Variants in IDO2 observed in about 807,000 individuals in gnomAD.
IDO2 encodes the protein indoleamine 2,3-dioxygenase-like 1 protein.
IDO2 carries 46 observed loss-of-function variants against 45.1 expected under a neutral mutation model. That is an observed-to-expected ratio of 1.02 (90% CI 0.80 to 1.30). The LOEUF (loss-of-function observed/expected upper bound fraction) is 1.30. Among genes scored for constraint, IDO2 ranks in the 50% most tolerant of loss-of-function variants. IDO2 has a pLI of 0.00. For synonymous variants in IDO2, 218 were observed against 184.9 expected, an observed-to-expected ratio of 1.18 and a Z score of -1.45; for missense variants, 544 against 491.8, an observed-to-expected ratio of 1.11 and a Z score of -1.00.
intron 3 of IDO2, among the ~76,000 whole-genome samples, chr8:39,967,983 G>A (rs1052149289): frequency 6.6e-6 from 1 of 151,354 alleles, no homozygotes; most frequent in African/African-American, 2.4e-5. Flanking sequence ...CTCAGCAATG[G>A]CATTCCTAAG....
At chr8:39,955,590 G>A (rs1232178366) in intron 2 of IDO2, among the ~76,000 whole-genome samples, 1 of 151,826 alleles carries the variant, frequency 6.6e-6, no homozygotes, top group Non-Finnish European at 1.5e-5. Flanking sequence ...TGGGGGGAGG[G>A]GACAGAGAAA....
chr8:40,013,985 T>C (rs1397799498), intron 10 of IDO2, among the ~76,000 whole-genome samples: 1 of 152,174 alleles, frequency 6.6e-6, no homozygotes, highest in East Asian at 1.9e-4. Flanking sequence ...GTTTGGATCT[T>C]TAGACACTAG....
intron 8 of IDO2, among the ~76,000 whole-genome samples, chr8:40,000,248 C>G (rs1802114164): frequency 6.6e-6 from 1 of 151,968 alleles, no homozygotes; most frequent in Non-Finnish European, 1.5e-5. Flanking sequence ...CATGTCTCTC[C>G]TAAAAATACA....
intron 1 of IDO2, among the ~76,000 whole-genome samples, chr8:39,947,071 G>A (rs1328821326): frequency 3.4e-5 from 5 of 148,068 alleles, no homozygotes; most frequent in East Asian, 2.1e-4. Flanking sequence ...CAGGATAATC[G>A]CTCGAACCTG....
intron 2 of IDO2, among the ~76,000 whole-genome samples, chr8:39,962,928 C>G (rs992034263): frequency 6.6e-6 from 1 of 152,220 alleles, no homozygotes; most frequent in Non-Finnish European, 1.5e-5. Flanking sequence ...CAGAAAGAAT[C>G]AATCGGGAAA....
intron 2 of IDO2, among the ~76,000 whole-genome samples, chr8:39,959,549 C>T (rs978572850): frequency 2.6e-5 from 4 of 152,212 alleles, no homozygotes; most frequent in Non-Finnish European, 4.4e-5. Flanking sequence ...TGGCTGGGCA[C>T]AGTGGGTCAC....
chr8:40,015,787 C>T, exon 11 of IDO2: 2 of 580,958 alleles, frequency 3.4e-6, no homozygotes, highest in Admixed American at 3.1e-5. Context: ...GTTGATGTGG[C>T]CAAGCCTTTC....
chr8:40,000,656 T>G (rs1157219924), intron 8 of IDO2, among the ~76,000 whole-genome samples: 1 of 77,296 alleles, frequency 1.3e-5, no homozygotes, highest in Non-Finnish European at 3.2e-5. Context: ...TTTGTTTTGC[T>G]ATGAAAAGCA....
Position 39,982,437 on chromosome 8 carries a change from T to C in IDO2, c.316-215T>C, listed in dbSNP as rs550415765. Among the ~76,000 whole-genome samples the C allele has an allele frequency of 2.6e-5, 4 of 152,240 alleles. No individual in the cohort carries two copies. The South Asian group carries it at 8.3e-4, about 32-fold the overall frequency. ...GTGGTCCAGCGTTGTAATTTTCACA[T>C]ATATTGCACCGTGTACTCATAAGCA... On this transcript the variant is annotated intron_variant, in intron 4 of 10. Transcript: ENST00000502986.
intron 8 of IDO2, chr8:39,995,245 C>CCTTCTT (rs1563438289): frequency 1.5e-5 from 1 of 68,750 alleles, no homozygotes; most frequent in Non-Finnish European, 3.2e-5. Flanking sequence ...TTCTCCTTCT[C>CCTTCTT]CTTCTCCTTC....
chr8:39,970,148 T>A (rs1410130540), intron 3 of IDO2, among the ~76,000 whole-genome samples: 1 of 152,330 alleles, frequency 6.6e-6, no homozygotes, highest in East Asian at 1.9e-4. Flanking sequence ...CAAAGCCTAA[T>A]TCAAAGAAAG....
chr8:39,996,460 G>A (rs1415668638), intron 8 of IDO2, among the ~76,000 whole-genome samples: 1 of 152,126 alleles, frequency 6.6e-6, no homozygotes, highest in Non-Finnish European at 1.5e-5. Context: ...CATTGGAGAC[G>A]ACTCATACTC....
At chr8:39,947,171 C>CAAAAAAAA (rs55785952) in intron 1 of IDO2, among the ~76,000 whole-genome samples, 11 of 80,014 alleles carry the variant, frequency 1.4e-4, no homozygotes, top group Admixed American at 4.9e-4. Context: ...GCTAAGGTAT[C>CAAAAAAAA]AAAAAAAAAA....
chr8:40,008,442 G>A (rs1039430061), intron 9 of IDO2, among the ~76,000 whole-genome samples: 3 of 152,152 alleles, frequency 2.0e-5, no homozygotes, highest in Non-Finnish European at 2.9e-5. Context: ...AAGGTCTTAT[G>A]TGATTAGATT....
chr8:39,958,557 A>G (rs931155722), intron 2 of IDO2, among the ~76,000 whole-genome samples: 4 of 152,166 alleles, frequency 2.6e-5, no homozygotes, highest in African/African-American at 9.7e-5. Flanking sequence ...CCACCACATC[A>G]AACTAATTTT....
intron 1 of IDO2, among the ~76,000 whole-genome samples, chr8:39,937,512 C>A (rs1174326128): frequency 6.7e-6 from 1 of 149,968 alleles, no homozygotes; most frequent in East Asian, 1.9e-4. Flanking sequence ...TAAAACTACA[C>A]CAAAATATCT....
At chr8:39,965,029 C>T (rs539332774) in intron 3 of IDO2, among the ~76,000 whole-genome samples, 45 of 152,290 alleles carry the variant, frequency 3.0e-4, no homozygotes, top group African/African-American at 1.1e-3. Flanking sequence ...ATTATGAGGT[C>T]GTCTGCCGTA....
intron 1 of IDO2, among the ~76,000 whole-genome samples, chr8:39,943,636 C>T (rs1807682634): frequency 6.7e-6 from 1 of 148,280 alleles, no homozygotes; most frequent in Non-Finnish European, 1.5e-5. Context: ...ACTCGGGAGG[C>T]TGAGGCAGGA....
chr8:39,982,771 G>T lies in IDO2; in HGVS notation c.434+1G>T. The T allele has an allele frequency of 6.4e-7, 1 of 1,556,854 alleles. No homozygotes were observed. Among genetic ancestry groups the T allele is most frequent in the Non-Finnish European group, 8.8e-7 (1 of 1,140,002 alleles). ...ACTGGACCAAAAAAGATCCAGACGG[G>T]TAAGGAAGGAAGAGAATGCTTTGAA... On this transcript the variant is annotated splice_donor_variant, in intron 5 of 10. Coordinates refer to ENST00000502986, the Ensembl canonical transcript of IDO2. LOFTEE classifies it high-confidence loss of function.
Sources: gnomAD v4.1 joint callset for allele counts (sites outside exome capture counted in the v4.1 genomes callset) on GRCh38, gnomAD v4.1.1 for gene constraint, MANE v1.5 for transcripts, NCBI Gene and HGNC (gene_info 2026-07-23, HGNC 2026-07-21) for gene names.